HYDIN: variants seen among roughly 807,000 people sequenced by gnomAD.
HYDIN encodes the protein HYDIN axonemal central pair apparatus protein.
In HYDIN, 132 loss-of-function variants were observed where a neutral mutation model predicts 403.9. The ratio of observed to expected loss-of-function variants is 0.33; its 90% confidence interval spans 0.28 to 0.38. The LOEUF (loss-of-function observed/expected upper bound fraction) is 0.38. Among genes scored for constraint, HYDIN ranks in the 10% least tolerant of loss-of-function variants. The pLI is 1.00. For missense variants in HYDIN, 2,827 were observed against 5,009.5 expected, an observed-to-expected ratio of 0.56 and a Z score of 13.15; for synonymous variants, 1,202 against 1,891.7, an observed-to-expected ratio of 0.64 and a Z score of 9.46.
chr16:70,831,529 C>CAAAAAAAA (rs57465488), intron 80 of HYDIN, among the ~76,000 whole-genome samples: 2 of 91,558 alleles, frequency 2.2e-5, no homozygotes, highest in Admixed American at 1.1e-4. Context: ...AAAAAAAAAC[C>CAAAAAAAA]AAAAAAAAAA....
At chr16:70,938,892 G>A (rs538749820) in intron 43 of HYDIN, 137 bp from the exon 44 acceptor site, 7 of 641,752 alleles carry the variant, frequency 1.1e-5, no homozygotes, top group East Asian at 5.5e-5. Context: ...TTGCAGGGGT[G>A]GGGGGGTCCC....
intron 5 of HYDIN, among the ~76,000 whole-genome samples, chr16:71,171,401 ATTTG>A (rs779056784): frequency 1.3e-5 from 2 of 152,150 alleles, no homozygotes; most frequent in South Asian, 2.1e-4. Context: ...AATTGTATAT[ATTTG>A]TTTGTTTGTT....
chr16:71,226,707 CT>C (rs1480425126), intron 1 of HYDIN, among the ~76,000 whole-genome samples: 3 of 152,248 alleles, frequency 2.0e-5, no homozygotes, highest in Admixed American at 1.3e-4. Context: ...AAGCCTGAAA[CT>C]TATATTTATC....
At chr16:71,113,646 T>C (rs1597806838) in intron 10 of HYDIN, 1 of 151,224 alleles carries the variant, frequency 6.6e-6, no homozygotes, top group East Asian at 2.0e-4. Flanking sequence ...CAGGCTGGTG[T>C]CCCGTGGTGC....
intron 1 of HYDIN, among the ~76,000 whole-genome samples, chr16:71,199,912 G>A (rs1050481864): frequency 6.6e-6 from 1 of 152,166 alleles, no homozygotes; most frequent in Non-Finnish European, 1.5e-5. Context: ...GACCTACTGG[G>A]CTGCATTCTC....
chr16:70,944,005 C>T, intron 41 of HYDIN, 56 bp from the exon 42 acceptor site: 2 of 1,290,100 alleles, frequency 1.6e-6, no homozygotes, highest in Non-Finnish European at 2.2e-6. Context: ...CTCAACAACT[C>T]CTACACTTAC....
At chr16:71,099,840 A>G (rs1376133836) in intron 10 of HYDIN, among the ~76,000 whole-genome samples, 1 of 151,656 alleles carries the variant, frequency 6.6e-6, no homozygotes, top group Non-Finnish European at 1.5e-5. Context: ...CGTCTCTACA[A>G]CTTTTTAAAA....
intron 12 of HYDIN, among the ~76,000 whole-genome samples, chr16:71,083,408 GT>G (rs1254384619): frequency 7.0e-6 from 1 of 141,846 alleles, no homozygotes; most frequent in Non-Finnish European, 1.5e-5. Flanking sequence ...TCATGTACAA[GT>G]TTTTGTGTGG....
intron 18 of HYDIN, among the ~76,000 whole-genome samples, chr16:71,047,459 G>T (rs2081490022): frequency 6.6e-6 from 1 of 151,658 alleles, no homozygotes; most frequent in Non-Finnish European, 1.5e-5. Context: ...GGGGTGAGGG[G>T]CTCACAGCTC....
intron 16 of HYDIN, 50 bp from the exon 17 acceptor site, chr16:71,062,383 T>C (rs756579536): frequency 1.4e-6 from 2 of 1,456,028 alleles, no homozygotes; most frequent in Non-Finnish European, 9.4e-7. Context: ...ATGGAACAAA[T>C]AGCGTATTTG....
chr16:70,921,792 G>C (rs1165085763), intron 45 of HYDIN, among the ~76,000 whole-genome samples: 1 of 152,226 alleles, frequency 6.6e-6, no homozygotes, highest in Non-Finnish European at 1.5e-5. Flanking sequence ...GTATACAATG[G>C]ATATTGATGG....
chr16:70,832,862 G>A lies in HYDIN; in HGVS notation c.13885C>T (p.Pro4629Ser), dbSNP rs757534023. ...CAGCTACTAACCTCTTTTACCGCAGGTGGTCCCACGCAGACTCCAGACAGG... is the reference window on the plus strand; with the variant it reads ...CAGCTACTAACCTCTTTTACCGCAGATGGTCCCACGCAGACTCCAGACAGG... The part of the protein sequence containing the change: ...LTLSGVCVGP[P>S]AVKEVVNFTC... Residue 4629 changes from proline to serine, a missense_variant, in exon 80 of 86, where the codon CCT becomes TCT. By Grantham distance (74) the Pro-to-Ser change is moderately conservative. Coordinates refer to ENST00000393567, the MANE Select transcript of HYDIN (RefSeq NM_001270974.2). 6.8e-6 allele frequency: 11 copies of A among 1,609,204 alleles called. No homozygotes were observed. Among genetic ancestry groups the A allele is most frequent in the Admixed American group, 3.3e-5 (2 of 59,900 alleles).
At chr16:71,076,186 A>C (rs2082622548) in intron 13 of HYDIN, among the ~76,000 whole-genome samples, 1 of 152,206 alleles carries the variant, frequency 6.6e-6, no homozygotes, top group Non-Finnish European at 1.5e-5. Context: ...CAACGGAAAT[A>C]CAATGCAAAA....
At chr16:71,062,114 ATGTT>A in intron 17 of HYDIN, 51 bp downstream of exon 17, 2 of 1,056,176 alleles carry the variant, frequency 1.9e-6, no homozygotes, top group South Asian at 1.5e-5. Flanking sequence ...AAAGCTCAAA[ATGTT>A]TGAGAAGAAG....
intron 13 of HYDIN, among the ~76,000 whole-genome samples, chr16:71,077,629 C>A (rs1431799801): frequency 2.0e-5 from 3 of 151,716 alleles, no homozygotes; most frequent in Non-Finnish European, 4.4e-5. Context: ...ACCTCCAGGA[C>A]AATGTTATAT....
intron 78 of HYDIN, among the ~76,000 whole-genome samples, chr16:70,834,476 T>C (rs1798373): frequency 2.6e-5 from 4 of 152,134 alleles, no homozygotes; most frequent in African/African-American, 7.2e-5. Flanking sequence ...GAAATAGTAA[T>C]GGGAAATAAC....
intron 15 of HYDIN, 73 bp from the exon 16 acceptor site, chr16:71,064,913 C>T (rs866298808): frequency 7.7e-6 from 12 of 1,549,964 alleles, no homozygotes; most frequent in South Asian, 2.4e-5. Flanking sequence ...GAGCCCCAAG[C>T]GAGATACATT....
At chr16:71,114,167 A>T (rs2083929931) in intron 10 of HYDIN, among the ~76,000 whole-genome samples, 1 of 152,198 alleles carries the variant, frequency 6.6e-6, no homozygotes, top group East Asian at 1.9e-4. Context: ...TTGAGGAAAG[A>T]TGTTTTGAGA....
Position 71,208,734 on chromosome 16 carries a change from C to A in HYDIN, c.-23-21816G>T, listed in dbSNP as rs538522705. On this transcript the variant is annotated intron_variant, in intron 1 of 85. Coordinates refer to ENST00000393567, the MANE Select transcript of HYDIN (RefSeq NM_001270974.2). Reference sequence around the variant, plus strand: ...ATGACAAAGGGGATATTACCACTGACCCCACAGAAATACAAATAACCATCA... The same window carrying A: ...ATGACAAAGGGGATATTACCACTGAACCCACAGAAATACAAATAACCATCA... 2.0e-5 allele frequency among the ~76,000 whole-genome samples: 3 copies of A among 152,132 alleles called. No homozygotes were observed. In the South Asian group the frequency reaches 6.2e-4, roughly 32 times the overall value.
Sources: gnomAD v4.1 joint callset for allele counts (sites outside exome capture counted in the v4.1 genomes callset) on GRCh38, gnomAD v4.1.1 for gene constraint, MANE v1.5 for transcripts, NCBI Gene and HGNC (gene_info 2026-07-23, HGNC 2026-07-21) for gene names.